The following FOXN3 variants were observed in gnomAD, a reference collection of about 807,000 sequenced individuals.
The protein encoded by FOXN3 is forkhead box N3.
Under a neutral mutation model 38.4 loss-of-function variants are expected in FOXN3, and 7 were observed. The observed-to-expected ratio is 0.18, with a 90% CI of 0.10 to 0.34. The LOEUF is 0.34. FOXN3 is among the 10% of genes least tolerant of loss of function. The probability of loss-of-function intolerance (pLI) is 1.00; values close to 1 mark genes in which losing one functional copy is unlikely to be tolerated. For synonymous variants in FOXN3, 230 were observed against 242.2 expected (o/e 0.95, Z 0.47); for missense variants, 456 against 613.4 (o/e 0.74, Z 2.71).
At chr14:89,387,145 A>C (rs968272354) in intron 2 of FOXN3, among the ~76,000 whole-genome samples, 1 of 152,160 alleles carries the variant, frequency 6.6e-6, no homozygotes, top group Non-Finnish European at 1.5e-5. Context: ...AGTCTCAGCT[A>C]CTCGGGAGGC....
At chr14:89,372,458 G>C (rs898686698) in intron 2 of FOXN3, among the ~76,000 whole-genome samples, 1 of 152,172 alleles carries the variant, frequency 6.6e-6, no homozygotes, top group Admixed American at 6.5e-5. Context: ...TGTCAGTGAG[G>C]CTTCCAATTT....
intron 3 of FOXN3, among the ~76,000 whole-genome samples, chr14:89,289,194 AAAAGAAAAGAAAAAG>A (rs1383899685): frequency 0.1 from 2,596 of 26,002 alleles, 83 homozygotes; most frequent in African/African-American, 0.18. Context: ...AAAAAAAAAA[AAAAGAAAAGAAAAAG>A]AAAAGAAAAG....
intron 3 of FOXN3, chr14:89,284,554 T>C (rs1000267827): frequency 2.2e-6 from 1 of 455,942 alleles, no homozygotes; most frequent in African/African-American, 2.0e-5. Context: ...GGTATTTTGC[T>C]AGGACTCTCT....
chr14:89,524,693 A>G (rs1036685823), intron 1 of FOXN3, among the ~76,000 whole-genome samples: 1 of 152,124 alleles, frequency 6.6e-6, no homozygotes, highest in Admixed American at 6.5e-5. Context: ...AATAAATTCA[A>G]TATTTAAATT....
chr14:89,269,041 G>A (rs1886067987), intron 4 of FOXN3, among the ~76,000 whole-genome samples: 1 of 152,176 alleles, frequency 6.6e-6, no homozygotes, highest in Non-Finnish European at 1.5e-5. Flanking sequence ...CAGCCTTCTT[G>A]TTTCTTATCA....
intron 1 of FOXN3, among the ~76,000 whole-genome samples, chr14:89,456,088 G>C (rs769362952): frequency 1.3e-5 from 2 of 151,920 alleles, no homozygotes; most frequent in Non-Finnish European, 2.9e-5. Context: ...CAGCTACTCA[G>C]GAGGCTGAGG....
rs113885896 is a variant in FOXN3, at chr14:89,502,328, G to A, written c.-14-89838C>T. On this transcript the variant is annotated intron_variant, in intron 1 of 6. Coordinates refer to the FOXN3 transcript ENST00000345097. Reference sequence around the variant, plus strand: ...CAAGGTGCAGGATTAGGGAAGGACCGGGGTCTTCAATTATGTCTTCAATGT... The same window carrying A: ...CAAGGTGCAGGATTAGGGAAGGACCAGGGTCTTCAATTATGTCTTCAATGT... Among the ~76,000 whole-genome samples, 8 of 152,098 alleles carry A rather than the reference G, an allele frequency of 5.3e-5. 1 individual carries two copies. Among genetic ancestry groups the A allele is most frequent in the East Asian group, 3.9e-4 (2 of 5,188 alleles).
intron 2 of FOXN3, among the ~76,000 whole-genome samples, chr14:89,363,321 C>G (rs920029443): frequency 2.0e-5 from 3 of 152,212 alleles, no homozygotes; most frequent in Non-Finnish European, 2.9e-5. Context: ...TTCCCAGGGT[C>G]ATGTGTCTCT....
At chr14:89,365,847 G>A (rs1013935517) in intron 2 of FOXN3, among the ~76,000 whole-genome samples, 5 of 152,088 alleles carry the variant, frequency 3.3e-5, no homozygotes, top group Admixed American at 6.5e-5. Flanking sequence ...AAACTCTCAC[G>A]TACACACAAA....
intron 4 of FOXN3, among the ~76,000 whole-genome samples, chr14:89,183,335 T>C (rs992141029): frequency 6.6e-6 from 1 of 152,202 alleles, no homozygotes; most frequent in African/African-American, 2.4e-5. Flanking sequence ...AAATCTCTAA[T>C]ACAGTTGTAA....
intron 1 of FOXN3, among the ~76,000 whole-genome samples, chr14:89,605,766 C>T (rs982459585): frequency 6.6e-6 from 1 of 151,856 alleles, no homozygotes; most frequent in Non-Finnish European, 1.5e-5. Flanking sequence ...CAGAAAAATA[C>T]AAGTTTTATA....
At chr14:89,498,802 T>C (rs1596298204) in intron 1 of FOXN3, among the ~76,000 whole-genome samples, 1 of 140,960 alleles carries the variant, frequency 7.1e-6, no homozygotes, top group African/African-American at 2.6e-5. Context: ...GGCGGGGGGC[T>C]CTTGGTGGGT....
intron 1 of FOXN3, among the ~76,000 whole-genome samples, chr14:89,505,545 G>C (rs1287092127): frequency 1.3e-5 from 2 of 150,842 alleles, no homozygotes; most frequent in Non-Finnish European, 3.0e-5. Context: ...CCGAGGTGCC[G>C]GGATGGCAGA....
At chr14:89,596,843 AT>A (rs1176850782) in intron 1 of FOXN3, among the ~76,000 whole-genome samples, 2 of 150,782 alleles carry the variant, frequency 1.3e-5, no homozygotes, top group African/African-American at 5.0e-5. Flanking sequence ...TCTTTTAAAG[AT>A]AGTTATACCC....
intron 1 of FOXN3, among the ~76,000 whole-genome samples, chr14:89,466,131 C>T (rs1280522938): frequency 6.6e-6 from 1 of 152,216 alleles, no homozygotes; most frequent in Admixed American, 6.5e-5. Context: ...GGTATTCCAG[C>T]CTCCAGCAAC....
intron 1 of FOXN3, among the ~76,000 whole-genome samples, chr14:89,454,742 G>A (rs1406378911): frequency 1.3e-5 from 2 of 152,202 alleles, no homozygotes; most frequent in African/African-American, 4.8e-5. Context: ...AAGTCTCCAT[G>A]ATAAGCACTT....
At chr14:89,408,868 C>T (rs556043951) in intron 2 of FOXN3, among the ~76,000 whole-genome samples, 4 of 152,128 alleles carry the variant, frequency 2.6e-5, no homozygotes, top group South Asian at 4.2e-4. Flanking sequence ...TGGGAGCTCC[C>T]GCCAAATAAA....
chr14:89,348,488 C>T (rs1888838721), intron 3 of FOXN3, among the ~76,000 whole-genome samples: 1 of 152,126 alleles, frequency 6.6e-6, no homozygotes, highest in Non-Finnish European at 1.5e-5. Context: ...AGCAAACTCT[C>T]AGCTTTCAGA....
intron 1 of FOXN3, among the ~76,000 whole-genome samples, chr14:89,594,971 G>A (rs1052751684): frequency 4.6e-5 from 7 of 151,948 alleles, no homozygotes; most frequent in African/African-American, 1.7e-4. Flanking sequence ...ATTCTGATTG[G>A]GATTACACTG....
Sources: allele counts gnomAD v4.1 joint callset (sites outside exome capture counted in the v4.1 genomes callset), GRCh38; gene constraint gnomAD v4.1.1; transcripts MANE v1.5; gene names NCBI Gene and HGNC (gene_info 2026-07-23, HGNC 2026-07-21).